Variants in YTHDC2 observed in about 807,000 individuals in gnomAD.
YTHDC2 encodes the protein YTH N6-methyladenosine RNA binding protein C2, also known as 3'-5' RNA helicase YTHDC2.
YTHDC2 carries 45 observed loss-of-function variants against 174.9 expected under a neutral mutation model. That is an observed-to-expected ratio of 0.26 (90% CI 0.20 to 0.33). The LOEUF (loss-of-function observed/expected upper bound fraction) is 0.33. Ranked by LOEUF, YTHDC2 falls within the 10% of genes least tolerant of loss-of-function variation. The pLI is 1.00. For missense variants in YTHDC2, 1,650 were observed against 1,723.7 expected, an observed-to-expected ratio of 0.96 and a Z score of 0.76; for synonymous variants, 657 against 574.5, an observed-to-expected ratio of 1.14 and a Z score of -2.05.
At chr5:113,581,330 C>T in intron 24 of YTHDC2, 87 bp from the exon 25 acceptor site, 1 of 1,242,458 alleles carries the variant, frequency 8.0e-7, no homozygotes, top group Non-Finnish European at 1.1e-6. Context: ...TTGTTGGAAA[C>T]AGTTGCAAAC....
chr5:113,582,817 T>C (rs1778476384), intron 25 of YTHDC2: 1 of 152,188 alleles, frequency 6.6e-6, no homozygotes, highest in Admixed American at 6.5e-5. Context: ...GGTTTCCATG[T>C]TCTTCAGATA....
At chr5:113,529,726 A>G (rs1308916893) in intron 4 of YTHDC2, among the ~76,000 whole-genome samples, 3 of 151,762 alleles carry the variant, frequency 2.0e-5, no homozygotes, top group African/African-American at 7.3e-5. Flanking sequence ...GTGCTTTATT[A>G]TATATTATAG....
chr5:113,579,934 T>C, intron 24 of YTHDC2: 7 of 984,382 alleles, frequency 7.1e-6, no homozygotes, highest in Non-Finnish European at 8.4e-6. Flanking sequence ...CTTAGTTTGT[T>C]GTTGCTGCTA....
chr5:113,563,604 G>T, intron 19 of YTHDC2, 112 bp downstream of exon 19: 2 of 1,215,324 alleles, frequency 1.6e-6, no homozygotes, highest in Non-Finnish European at 2.2e-6. Flanking sequence ...TTGTCCTCCT[G>T]CATGTGTCCA....
In YTHDC2 at chr5:113,513,880, C is replaced by T. The variant is rs766807976; in HGVS notation, c.-16C>T. The stretch of plus-strand genomic sequence containing the variant: ...GCCTGGCCGCTCCCGTGCGGAGAGA[C>T]CATCTCTTCAGGGCAATGTCCAGGC... On this transcript the variant is annotated 5_prime_UTR_variant, in exon 1 of 30. Coordinates refer to ENST00000161863, the MANE Select transcript of YTHDC2 (RefSeq NM_022828.5). 9 of 1,589,960 alleles carry T rather than the reference C, an allele frequency of 5.7e-6. No homozygotes were observed. The highest frequency in any genetic ancestry group is 1.8e-5 in the Admixed American group (1 of 56,046).
intron 17 of YTHDC2, among the ~76,000 whole-genome samples, chr5:113,558,679 AT>A (rs1165881833): frequency 6.6e-6 from 1 of 151,812 alleles, no homozygotes; most frequent in African/African-American, 2.4e-5. Flanking sequence ...ATCGAAGTGG[AT>A]TGGGAGGCTG....
At chr5:113,563,611 T>C (rs1777148192) in intron 19 of YTHDC2, 119 bp downstream of exon 19, 3 of 1,145,642 alleles carry the variant, frequency 2.6e-6, no homozygotes, top group African/African-American at 3.1e-5. Context: ...CCTGCATGTG[T>C]CCAGATAAAC....
At chr5:113,580,347 G>C (rs1176346676) in intron 24 of YTHDC2, among the ~76,000 whole-genome samples, 1 of 152,056 alleles carries the variant, frequency 6.6e-6, no homozygotes, top group African/African-American at 2.4e-5. Context: ...CCTTTATTTT[G>C]TGTAACTGTG....
At chr5:113,575,122 T>C (rs1561694743) in intron 23 of YTHDC2, among the ~76,000 whole-genome samples, 1 of 152,238 alleles carries the variant, frequency 6.6e-6, no homozygotes, top group Non-Finnish European at 1.5e-5. Context: ...GCTGAATTCA[T>C]TGTGCCTTTT....
In YTHDC2 at chr5:113,583,325, C is replaced by G. The variant is rs528768333; in HGVS notation, c.3648-977C>G. 2.0e-5 allele frequency: 3 copies of G among 151,988 alleles called. No homozygotes were observed. In the East Asian group the frequency reaches 5.8e-4, roughly 29 times the overall value. 9.4% of individuals were successfully genotyped at this position (151,988 alleles called of 1,614,324 possible). On this transcript the variant is annotated intron_variant, in intron 25 of 29. Coordinates refer to ENST00000161863, the MANE Select transcript of YTHDC2 (RefSeq NM_022828.5). ...TATGTAAGCCAAAACAGAAAGGAAGCAGGAAAGAAAAAACAAAATAATGTT... is the reference window on the plus strand; with the variant it reads ...TATGTAAGCCAAAACAGAAAGGAAGGAGGAAAGAAAAAACAAAATAATGTT...
intron 2 of YTHDC2, among the ~76,000 whole-genome samples, chr5:113,522,673 A>G (rs1235344003): frequency 2.0e-5 from 3 of 152,194 alleles, no homozygotes; most frequent in South Asian, 2.1e-4. Flanking sequence ...AAAGCATAAT[A>G]AGGAGTTCTC....
chr5:113,563,246 T>C, intron 18 of YTHDC2, 127 bp from the exon 19 acceptor site: 1 of 745,412 alleles, frequency 1.3e-6, no homozygotes, highest in South Asian at 3.1e-5. Flanking sequence ...TTGTTCCTTC[T>C]ACTGTTCATT....
Position 113,553,378 on chromosome 5 carries a change from A to T in YTHDC2, c.1867+19A>T. ...GATGCTGGTAAATACGTGTTGTCTA[A>T]AAGAACTGGAGCAAAATATATACTT... On this transcript the variant is annotated intron_variant, in intron 13 of 29. Transcript: ENST00000161863. The T allele has an allele frequency of 6.3e-7, 1 of 1,578,298 alleles. No homozygotes were observed. The highest frequency in any genetic ancestry group is 8.6e-7 in the Non-Finnish European group (1 of 1,168,178).
At position 113,539,192 on chromosome 5, in the gene YTHDC2, T is replaced by A. The variant is rs1775284213; in HGVS notation, c.1210+11T>A. 1 of 1,189,720 alleles carries A rather than the reference T, an allele frequency of 8.4e-7. No individual in the cohort carries two copies. The highest frequency in any genetic ancestry group is 2.7e-5 in the East Asian group (1 of 36,474). 73.7% of individuals were successfully genotyped at this position (1,189,720 alleles called of 1,614,324 possible). On this transcript the variant is annotated intron_variant, in intron 8 of 29. Coordinates refer to ENST00000161863, the MANE Select transcript of YTHDC2 (RefSeq NM_022828.5). ...AGGAAAAACAGCAAGGTAAATTTTT[T>A]AATAAAAGAAATATAAAAGAAATTA...
intron 4 of YTHDC2, among the ~76,000 whole-genome samples, chr5:113,531,699 T>TA (rs933375670): frequency 6.8e-5 from 10 of 147,630 alleles, no homozygotes; most frequent in South Asian, 2.1e-4. Flanking sequence ...TAGTCAAGTT[T>TA]AAAAAAAAAA....
Position 113,563,451 on chromosome 5 carries a change from C to G in YTHDC2, c.2401C>G (p.Pro801Ala), listed in dbSNP as rs1777136968. 1.2e-6 allele frequency: 2 copies of G among 1,610,612 alleles called. No homozygotes were observed. Among genetic ancestry groups the G allele is most frequent in the African/African-American group, 1.3e-5 (1 of 74,892 alleles). ...TTTTCTTATGAAAGCTCCTGAACCTCCACCAGCTTTAATTGTAAGAAATGC... is the reference window on the plus strand; with the variant it reads ...TTTTCTTATGAAAGCTCCTGAACCTGCACCAGCTTTAATTGTAAGAAATGC... Reference protein sequence around the residue: ...ADFLMKAPEPPPALIVRNAVQ... With the variant: ...ADFLMKAPEPAPALIVRNAVQ... The change falls in exon 19 of 30, where the codon CCA becomes GCA. Residue 801 changes from proline (P) to alanine (A), a missense_variant. This residue lies in a region of YTHDC2 where 913 missense variants were observed against 940.4 expected (regional missense o/e 0.97). Transcript: ENST00000161863.
rs60202385 is a variant in YTHDC2 at position 113,586,710 on chromosome 5, G to A, written c.3825+2231G>A. ...AGTATGGGTGAGTCAAGAATTACTC[G>A]TTGGCTTTTGCTTATACAATTGTTC... On this transcript the variant is annotated intron_variant, in intron 26 of 29. Transcript: ENST00000161863. 7.3e-5 allele frequency among the ~76,000 whole-genome samples: 11 copies of A among 150,720 alleles called. No individual in the cohort carries two copies. The East Asian group carries it at 1.7e-3, about 24-fold the overall frequency.
chr5:113,536,418 G>A lies in YTHDC2; in HGVS notation c.1102+620G>A, dbSNP rs150991376. Among the ~76,000 whole-genome samples, 893 of 152,234 alleles carry A rather than the reference G, an allele frequency of 5.9e-3. 8 individuals are homozygous for A. Among genetic ancestry groups the A allele is most frequent in the African/African-American group, 0.021 (864 of 41,556 alleles). ...CACGCACTTGCAGTCCCAGCTACTC[G>A]GGAGGCTAAGGCAGGAGAATGGCGT... On this transcript the variant is annotated intron_variant, in intron 7 of 29. Coordinates refer to ENST00000161863, the MANE Select transcript of YTHDC2 (RefSeq NM_022828.5).
chr5:113,573,542 A>G (rs1247072400), intron 23 of YTHDC2, among the ~76,000 whole-genome samples: 1 of 151,898 alleles, frequency 6.6e-6, no homozygotes, highest in Non-Finnish European at 1.5e-5. Context: ...GAAGTTCTGG[A>G]TGATATCCTG....
Sources: gnomAD v4.1 joint callset for allele counts (sites outside exome capture counted in the v4.1 genomes callset) on GRCh38, gnomAD v4.1.1 for gene constraint, gnomAD v4.1.1 regional missense constraint, MANE v1.5 for transcripts, NCBI Gene and HGNC (gene_info 2026-07-23, HGNC 2026-07-21) for gene names.